CCM2L: variants seen among roughly 807,000 people sequenced by gnomAD.
The protein encoded by CCM2L is cerebral cavernous malformations 2 protein-like.
Under a neutral mutation model 54.1 loss-of-function variants are expected in CCM2L, and 36 were observed. The observed-to-expected ratio is 0.67, with a 90% CI of 0.51 to 0.88. The LOEUF is 0.88. Among genes scored for constraint, CCM2L ranks in the 40% least tolerant of loss-of-function variants. CCM2L has a pLI of 0.00. For synonymous variants in CCM2L, 351 were observed against 359.3 expected (o/e 0.98, Z 0.26); for missense variants, 700 against 812.1 (o/e 0.86, Z 1.68).
At chr20:32,018,824 G>C (rs896724111) in intron 4 of CCM2L, 119 bp from the exon 5 acceptor site, 4 of 1,156,416 alleles carry the variant, frequency 3.5e-6, no homozygotes, top group Non-Finnish European at 4.3e-6. Context: ...TTTAAAGCCG[G>C]GGGCGAGGCG....
intron 9 of CCM2L, among the ~76,000 whole-genome samples, chr20:32,030,058 G>A (rs1196582933): frequency 6.6e-6 from 1 of 152,192 alleles, no homozygotes. Flanking sequence ...CTAAGCAGTG[G>A]TGTGGCCATT....
intron 8 of CCM2L, 54 bp downstream of exon 8, chr20:32,029,178 T>A: frequency 6.2e-7 from 1 of 1,612,178 alleles, no homozygotes; most frequent in South Asian, 1.1e-5. Context: ...GAGGCTGGAG[T>A]AAACATTTTG....
At chr20:32,028,728 C>G (rs1241649570) in intron 7 of CCM2L, 1 of 475,882 alleles carries the variant, frequency 2.1e-6, no homozygotes, top group African/African-American at 2.0e-5. Context: ...AGGAGGCAAT[C>G]CAGGCAGAGG....
At position 32,031,136 on chromosome 20, in the gene CCM2L, CCGCAGTGCGCAGCTACGATG is replaced by C; in HGVS notation, c.1539_1558del (p.Ala514ArgfsTer16). The C allele has an allele frequency of 7.7e-7, 1 of 1,304,068 alleles. No homozygotes were observed. The highest frequency in any genetic ancestry group is 1.2e-5 in the South Asian group (1 of 81,016). The allele number at this position is 1,304,068 out of a possible 1,614,324, so 80.8% of individuals were successfully genotyped here. On this transcript the variant is annotated frameshift_variant, in exon 10 of 10. Transcript: ENST00000452892. LOFTEE classifies it high-confidence loss of function. The stretch of plus-strand genomic sequence containing the variant: ...CGCAGCATGAGCTCCACGTCGGCCT[CCGCAGTGCGCAGCTACGATG>C]GCGCGGCGCAGCGGCCCGAGGCACA...
chr20:32,021,654 A>T (rs1467707218), intron 5 of CCM2L, among the ~76,000 whole-genome samples: 1 of 152,104 alleles, frequency 6.6e-6, no homozygotes, highest in Non-Finnish European at 1.5e-5. Flanking sequence ...CAAAAAAAAA[A>T]AGTTGCTTTC....
At position 32,031,246 on chromosome 20, in the gene CCM2L, G is replaced by A. The variant is rs758573932; in HGVS notation, c.1648G>A (p.Asp550Asn). ...DIEALAPDDD[D>N]DDEDEPRGSR... is the part of the protein sequence containing the mutation. Reference sequence around the variant, plus strand: ...CGAGGCGCTGGCCCCCGATGACGACGACGACGACGAGGATGAGCCCCGGGG... The same window carrying A: ...CGAGGCGCTGGCCCCCGATGACGACAACGACGACGAGGATGAGCCCCGGGG... The change falls in exon 10 of 10, where the codon GAC becomes AAC. Residue 550 changes from aspartate to asparagine, a missense_variant. Transcript: ENST00000452892. The A allele has an allele frequency of 6.9e-6, 9 of 1,298,594 alleles. No homozygotes were observed. The highest frequency in any genetic ancestry group is 4.9e-5 in the South Asian group (4 of 80,998). 80.4% of individuals were successfully genotyped at this position (1,298,594 alleles called of 1,614,324 possible).
chr20:32,014,472 GC>G (rs2064721296), intron 1 of CCM2L, among the ~76,000 whole-genome samples: 1 of 151,924 alleles, frequency 6.6e-6, no homozygotes. Context: ...CACCATGTTG[GC>G]CAGGCTAGTC....
At chr20:32,020,340 C>T (rs944319353) in intron 5 of CCM2L, among the ~76,000 whole-genome samples, 1 of 152,184 alleles carries the variant, frequency 6.6e-6, no homozygotes, top group African/African-American at 2.4e-5. Context: ...ACTTGGCTTC[C>T]AGCTCTCCAC....
Position 32,019,023 on chromosome 20 carries a change from G to A in CCM2L, c.547G>A (p.Ala183Thr). 7.5e-7 allele frequency: 1 copy of A among 1,329,280 alleles called. No individual in the cohort carries two copies. The highest frequency in any genetic ancestry group is 9.5e-7 in the Non-Finnish European group (1 of 1,048,528). 82.3% of individuals were successfully genotyped at this position (1,329,280 alleles called of 1,614,324 possible). Residue 183 changes from alanine (A) to threonine (T), a missense_variant, in exon 5 of 10, where the codon GCG becomes ACG. Coordinates refer to ENST00000452892, the MANE Select transcript of CCM2L (RefSeq NM_001365692.1). ...AGRDPGPPGG[A>T]PEKRRVGTAE... ...ACGCGACCCCGGCCCGCCAGGCGGGGCGCCCGAGAAGCGGCGGGTGGGCAC... is the reference window on the plus strand; with the variant it reads ...ACGCGACCCCGGCCCGCCAGGCGGGACGCCCGAGAAGCGGCGGGTGGGCAC...
intron 7 of CCM2L, among the ~76,000 whole-genome samples, chr20:32,026,726 A>G (rs1334455878): frequency 6.6e-6 from 1 of 151,976 alleles, no homozygotes; most frequent in Non-Finnish European, 1.5e-5. Flanking sequence ...AAATACAAAA[A>G]TTAGCCAGGT....
chr20:32,029,240 G>C lies in CCM2L; in HGVS notation c.1263+116G>C. On this transcript the variant is annotated intron_variant, in intron 8 of 9. Transcript: ENST00000452892. ...CCTAAGCAGAAGACATCAGAGGTCAGAGCAGGAAATGAGGTTAGGAGAGTA... is the reference window on the plus strand; with the variant it reads ...CCTAAGCAGAAGACATCAGAGGTCACAGCAGGAAATGAGGTTAGGAGAGTA... 1.0e-5 allele frequency: 15 copies of C among 1,457,696 alleles called. No homozygotes were observed. The South Asian group carries it at 1.7e-4, about 17-fold the overall frequency. The allele number at this position is 1,457,696 out of a possible 1,614,324, so 90.3% of individuals were successfully genotyped here. A position where few individuals can be genotyped will look rare whatever the true frequency, so the allele number is the denominator to read the frequency against.
At chr20:32,011,819 G>A (rs886410554) in intron 1 of CCM2L, among the ~76,000 whole-genome samples, 1 of 151,816 alleles carries the variant, frequency 6.6e-6, no homozygotes, top group Admixed American at 6.6e-5. Context: ...GGGGGCCCAG[G>A]GGACAAGAAT....
chr20:32,024,394 T>C (rs2064834780), intron 6 of CCM2L, among the ~76,000 whole-genome samples: 1 of 152,212 alleles, frequency 6.6e-6, no homozygotes, highest in Non-Finnish European at 1.5e-5. Flanking sequence ...ATTTAGCAAA[T>C]ATTTATTGAG....
intron 1 of CCM2L, among the ~76,000 whole-genome samples, chr20:32,011,430 C>T (rs1377065045): frequency 6.6e-6 from 1 of 152,016 alleles, no homozygotes; most frequent in Non-Finnish European, 1.5e-5. Flanking sequence ...CATGGCGAAA[C>T]CCTGTCTCTA....
At chr20:32,026,316 A>C (rs8116814) in intron 7 of CCM2L, among the ~76,000 whole-genome samples, 5,823 of 152,324 alleles carry the variant, frequency 0.038, 351 homozygotes, top group African/African-American at 0.13. Flanking sequence ...AAAATAGAGC[A>C]GCAATTCAAC....
intron 6 of CCM2L, among the ~76,000 whole-genome samples, chr20:32,024,241 C>T (rs2064833431): frequency 6.6e-6 from 1 of 152,226 alleles, no homozygotes; most frequent in Non-Finnish European, 1.5e-5. Context: ...ATGGTACCAG[C>T]AGCAGAGTGC....
intron 6 of CCM2L, among the ~76,000 whole-genome samples, chr20:32,023,453 C>A (rs1448691665): frequency 1.3e-5 from 2 of 152,232 alleles, no homozygotes; most frequent in African/African-American, 4.8e-5. Flanking sequence ...GACCCTAACA[C>A]AAAACCAAGA....
intron 6 of CCM2L, among the ~76,000 whole-genome samples, chr20:32,025,056 C>CTTTCT (rs764239452): frequency 6.6e-6 from 1 of 150,828 alleles, no homozygotes; most frequent in African/African-American, 2.4e-5. Context: ...TCTCTTTCTT[C>CTTTCT]TTCTTTCTTT....
chr20:32,011,049 G>A (rs991452086), intron 1 of CCM2L, among the ~76,000 whole-genome samples: 1 of 152,060 alleles, frequency 6.6e-6, no homozygotes, highest in Non-Finnish European at 1.5e-5. Context: ...GTCTCACCTG[G>A]TTGTCTTTGG....
Sources: allele counts gnomAD v4.1 joint callset (sites outside exome capture counted in the v4.1 genomes callset), GRCh38; gene constraint gnomAD v4.1.1; transcripts MANE v1.5; gene names NCBI Gene and HGNC (gene_info 2026-07-23, HGNC 2026-07-21).